The following SAMSN1 variants were observed in gnomAD, a reference collection of about 807,000 sequenced individuals.
The protein encoded by SAMSN1 is SAM domain-containing protein SAMSN-1.
In SAMSN1, 31 loss-of-function variants were observed where a neutral mutation model predicts 42.0. The ratio of observed to expected loss-of-function variants is 0.74; its 90% CI spans 0.55 to 1.00. The LOEUF (loss-of-function observed/expected upper bound fraction) is 1.00. Ranked by LOEUF, SAMSN1 falls within the 50% of genes least tolerant of loss-of-function variation. The pLI, the probability that SAMSN1 is intolerant of heterozygous loss-of-function variation, is 0.00. For missense variants in SAMSN1, 464 were observed against 439.4 expected, an observed-to-expected ratio of 1.06 and a Z score of -0.50; for synonymous variants, 178 against 151.9, an observed-to-expected ratio of 1.17 and a Z score of -1.26.
intron 3 of SAMSN1, among the ~76,000 whole-genome samples, chr21:14,513,300 T>C (rs1600879671): frequency 6.6e-6 from 1 of 152,244 alleles, no homozygotes; most frequent in East Asian, 1.9e-4. Context: ...TTTCTAAACA[T>C]TGATAAAACT....
At chr21:14,643,144 G>A (rs1983635436) in intron 1 of SAMSN1, 1 of 715,382 alleles carries the variant, frequency 1.4e-6, no homozygotes, top group African/African-American at 1.7e-5. Context: ...CTGCAATACA[G>A]AGATTTATGA....
At chr21:14,616,054 A>G (rs1329495076) in intron 2 of SAMSN1, 1 of 560,730 alleles carries the variant, frequency 1.8e-6, no homozygotes, top group South Asian at 2.4e-5. Flanking sequence ...TAAAATAAAT[A>G]ACATAAAATA....
Position 14,500,520 on chromosome 21 carries a change from T to C in SAMSN1, c.768+9A>G. 6.2e-7 allele frequency: 1 copy of C among 1,612,546 alleles called. No homozygotes were observed. Among genetic ancestry groups the C allele is most frequent in the Non-Finnish European group, 8.5e-7 (1 of 1,178,644 alleles). On this transcript the variant is annotated intron_variant, in intron 6 of 7. Transcript: ENST00000400566. ...CTTCCAAAAGCAAACAGAACACAGA[T>C]TTGCTCACCTGCAGATGAATCCTCT... is the stretch of plus-strand genomic sequence containing the variant.
At chr21:14,490,722 G>C (rs1986647565) in intron 7 of SAMSN1, among the ~76,000 whole-genome samples, 1 of 152,098 alleles carries the variant, frequency 6.6e-6, no homozygotes, top group Non-Finnish European at 1.5e-5. Context: ...AAAATAACTG[G>C]TGGCTTCTGT....
intron 2 of SAMSN1, among the ~76,000 whole-genome samples, chr21:14,636,864 A>G (rs1018655746): frequency 6.7e-6 from 1 of 149,666 alleles, no homozygotes; most frequent in African/African-American, 2.6e-5. Context: ...ATTCCGTCTC[A>G]AAAAAACAAA....
At chr21:14,550,568 G>A (rs1257508267), upstream of SAMSN1, among the ~76,000 whole-genome samples, 1 of 152,086 alleles carries the variant, frequency 6.6e-6, no homozygotes, top group Non-Finnish European at 1.5e-5. Flanking sequence ...CGGACCTGAA[G>A]TCTACATGAT....
intron 2 of SAMSN1, among the ~76,000 whole-genome samples, chr21:14,579,518 C>G (rs745668743): frequency 6.6e-6 from 1 of 152,018 alleles, no homozygotes; most frequent in Admixed American, 6.6e-5. Flanking sequence ...AAGAAATATG[C>G]TTTATCTGGA....
At chr21:14,623,768 A>T (rs1983083984) in intron 2 of SAMSN1, among the ~76,000 whole-genome samples, 1 of 152,182 alleles carries the variant, frequency 6.6e-6, no homozygotes, top group Admixed American at 6.5e-5. Context: ...GCTCTGCACC[A>T]AGCGGGCCTA....
intron 6 of SAMSN1, chr21:14,601,934 TAAGTATTGTAC>T: frequency 2.2e-6 from 1 of 453,492 alleles, no homozygotes; most frequent in Non-Finnish European, 4.1e-6. Flanking sequence ...AAAGGCTGTG[TAAGTATTGTAC>T]ACTATGCCTA....
rs890172283 is a variant in SAMSN1 at position 14,538,656 on chromosome 21, G to C, written c.57+7549C>G. On this transcript the variant is annotated intron_variant, in intron 1 of 7. Transcript: ENST00000400566. ...AAGCTCTTTAATGGTACAACTATGT[G>C]TCATCCTTGTCTAGGAGCATAAATT... Among the ~76,000 whole-genome samples the C allele has an allele frequency of 2.0e-5, 3 of 152,138 alleles. No homozygotes were observed. The East Asian group carries it at 5.8e-4, about 29-fold the overall frequency.
intron 2 of SAMSN1, among the ~76,000 whole-genome samples, chr21:14,562,443 T>C (rs1980975688): frequency 6.6e-6 from 1 of 151,986 alleles, no homozygotes; most frequent in Non-Finnish European, 1.5e-5. Flanking sequence ...GAAAGAGACA[T>C]GCTTTGAAAT....
intron 2 of SAMSN1, among the ~76,000 whole-genome samples, chr21:14,519,066 T>C (rs1988041450): frequency 6.6e-6 from 1 of 152,226 alleles, no homozygotes; most frequent in Non-Finnish European, 1.5e-5. Flanking sequence ...TTAACATTTT[T>C]CTATGCCTTT....
At chr21:14,549,172 C>A (rs1980521011), upstream of SAMSN1, among the ~76,000 whole-genome samples, 1 of 152,032 alleles carries the variant, frequency 6.6e-6, no homozygotes, top group Admixed American at 6.6e-5. Flanking sequence ...TAGTGTATTG[C>A]TAAAACACAA....
intron 1 of SAMSN1, among the ~76,000 whole-genome samples, chr21:14,543,645 G>T (rs749458959): frequency 2.6e-5 from 4 of 152,012 alleles, no homozygotes; most frequent in Non-Finnish European, 5.9e-5. Flanking sequence ...AATATGCATT[G>T]CATTTGAATT....
intron 7 of SAMSN1, among the ~76,000 whole-genome samples, chr21:14,486,664 A>C (rs943940025): frequency 2.0e-5 from 3 of 152,126 alleles, no homozygotes; most frequent in African/African-American, 4.8e-5. Flanking sequence ...AATATCCAGA[A>C]TTTTCCTATG....
intron 3 of SAMSN1, among the ~76,000 whole-genome samples, chr21:14,615,076 A>G (rs1355866279): frequency 6.6e-6 from 1 of 152,198 alleles, no homozygotes; most frequent in African/African-American, 2.4e-5. Flanking sequence ...TTTCTTATTC[A>G]TGGTCAGAAA....
chr21:14,493,484 G>A (rs967718974), intron 7 of SAMSN1, among the ~76,000 whole-genome samples: 1 of 151,462 alleles, frequency 6.6e-6, no homozygotes, highest in Non-Finnish European at 1.5e-5. Context: ...AAGACAAGAT[G>A]TTTACTATAA....
intron 5 of SAMSN1, among the ~76,000 whole-genome samples, chr21:14,606,445 C>A (rs1982573396): frequency 6.6e-6 from 1 of 152,068 alleles, no homozygotes; most frequent in Admixed American, 6.5e-5. Context: ...TTAATTAAAT[C>A]ATAACTTAAT....
chr21:14,569,743 A>T (rs1981232944), intron 2 of SAMSN1, among the ~76,000 whole-genome samples: 1 of 152,184 alleles, frequency 6.6e-6, no homozygotes, highest in African/African-American at 2.4e-5. Flanking sequence ...AACTGCTACA[A>T]CTACTGTATT....
Sources: allele counts gnomAD v4.1 joint callset (sites outside exome capture counted in the v4.1 genomes callset), GRCh38; gene constraint gnomAD v4.1.1; transcripts MANE v1.5; gene names NCBI Gene and HGNC (gene_info 2026-07-23, HGNC 2026-07-21).